MEG3: variants seen among roughly 807,000 people sequenced by gnomAD.
The protein encoded by MEG3 is Very putative protein from MEG3 locus.
At chr14:100,835,503 C>T (rs891127831) in exon 1 of MEG3, 1 of 153,198 alleles carries the variant, frequency 6.5e-6, no homozygotes, top group African/African-American at 2.4e-5. Context: ...TCTCCAGCGG[C>T]CAGCTTCCTC....
In MEG3 at chr14:100,837,255, T is replaced by C. The variant is rs2037612434; in HGVS notation, n.3045+955T>C. Among the ~76,000 whole-genome samples, 1 of 152,176 alleles carries C rather than the reference T, an allele frequency of 6.6e-6. No homozygotes were observed. The highest frequency in any genetic ancestry group is 2.4e-5 in the African/African-American group (1 of 41,452). Reference sequence around the variant, plus strand: ...GGAGGCTCAGCTGAGGCCACTTTCCTTTCTGGGGGTCCCAGGGACTGAGTC... The same window carrying C: ...GGAGGCTCAGCTGAGGCCACTTTCCCTTCTGGGGGTCCCAGGGACTGAGTC... On this transcript the variant is annotated intron_variant and non_coding_transcript_variant, in intron 2 of 3. Transcript: ENST00000398461. This position sits in a 1 kb window ranked among gnomAD's most constrained non-coding sequence, Gnocchi z 5.8.
downstream of MEG3, chr14:100,832,586 C>T (rs1001277093): frequency 6.6e-6 from 1 of 152,578 alleles, no homozygotes; most frequent in African/African-American, 2.4e-5. Flanking sequence ...CAGTATTCGT[C>T]GCATAAGGAT....
chr14:100,836,236 G>A, exon 2 of MEG3: 1 of 456,682 alleles, frequency 2.2e-6, no homozygotes, highest in Non-Finnish European at 4.4e-6. Context: ...AGGCCCTGAT[G>A]GGGCCCACCA....
chr14:100,836,442 G>T (rs2037583421), intron 2 of MEG3: 2 of 414,290 alleles, frequency 4.8e-6, no homozygotes, highest in Non-Finnish European at 9.4e-6. Context: ...AGCCCCAGGG[G>T]TCTGGGGGCC....
chr14:100,842,180 C>A (rs754398252), intron 2 of MEG3, among the ~76,000 whole-genome samples: 1 of 152,182 alleles, frequency 6.6e-6, no homozygotes, highest in Non-Finnish European at 1.5e-5. Flanking sequence ...TACCTGCGAG[C>A]TGAAATGAGG....
At chr14:100,843,215 T>C (rs191468883) in intron 2 of MEG3, among the ~76,000 whole-genome samples, 9 of 152,256 alleles carry the variant, frequency 5.9e-5, no homozygotes, top group African/African-American at 2.2e-4. Flanking sequence ...GCTTCTGATT[T>C]CTCCGCTCCT....
intron 2 of MEG3, among the ~76,000 whole-genome samples, chr14:100,839,848 C>G (rs917714538): frequency 1.3e-5 from 2 of 152,204 alleles, no homozygotes; most frequent in Non-Finnish European, 2.9e-5. Flanking sequence ...ACGAGCTCTG[C>G]GGTGCCTGAG....
chr14:100,834,938 G>T, exon 1 of MEG3: 1 of 404,444 alleles, frequency 2.5e-6, no homozygotes, highest in Admixed American at 2.5e-5. Context: ...CGGCCATCCC[G>T]TCATCCAACA....
chr14:100,854,169 CTTAA>C (rs908325869), upstream of MEG3: 1 of 152,268 alleles, frequency 6.6e-6, no homozygotes, highest in African/African-American at 2.4e-5. Context: ...TGTATGACCA[CTTAA>C]TTAAGATATG....
chr14:100,846,231 T>G (rs2037913763), intron 3 of MEG3: 1 of 152,250 alleles, frequency 6.6e-6, no homozygotes, highest in Admixed American at 6.5e-5. Context: ...GTACCATGTG[T>G]GTGTCTCTAT....
intron 1 of MEG3, among the ~76,000 whole-genome samples, chr14:100,827,775 GTC>G (rs1416841522): frequency 6.6e-6 from 1 of 152,228 alleles, no homozygotes; most frequent in African/African-American, 2.4e-5. Flanking sequence ...CACAGGTTCT[GTC>G]TCTCGTTCCG....
At position 100,839,974 on chromosome 14, in the gene MEG3, G is replaced by A. The variant is rs535285735; in HGVS notation, n.3045+3674G>A. ...GGTCACTTTACTCAGGATAAACTGTGATGAGGACTTGGGACATATCTCTGT... is the reference window on the plus strand; with the variant it reads ...GGTCACTTTACTCAGGATAAACTGTAATGAGGACTTGGGACATATCTCTGT... On this transcript the variant is annotated intron_variant and non_coding_transcript_variant, in intron 2 of 3. Transcript: ENST00000398461. Among the ~76,000 whole-genome samples the A allele has an allele frequency of 1.2e-4, 18 of 152,308 alleles. No homozygotes were observed. In the South Asian group the frequency reaches 3.7e-3, roughly 32 times the overall value.
chr14:100,831,941 G>A (rs1363464783), downstream of MEG3: 1 of 152,170 alleles, frequency 6.6e-6, no homozygotes, highest in Non-Finnish European at 1.5e-5. Flanking sequence ...CATTTGAAAG[G>A]CTTGAAGCAA....
chr14:100,827,726 C>T (rs1198524120), intron 1 of MEG3, among the ~76,000 whole-genome samples: 1 of 152,062 alleles, frequency 6.6e-6, no homozygotes, highest in African/African-American at 2.4e-5. Flanking sequence ...AGGCGGGGAG[C>T]GGCGTGGTGG....
intron 1 of MEG3, among the ~76,000 whole-genome samples, chr14:100,826,523 G>A (rs549201045): frequency 6.6e-6 from 1 of 152,218 alleles, no homozygotes; most frequent in African/African-American, 2.4e-5. Context: ...ACTCCTCTTG[G>A]ATTCGGGTAT....
downstream of MEG3, chr14:100,830,385 C>CACATA (rs72228212): frequency 2.0e-3 from 278 of 139,290 alleles, no homozygotes; most frequent in African/African-American, 7.1e-3. Flanking sequence ...ACACACACAC[C>CACATA]CCCTCGTGTA....
chr14:100,830,760 G>A (rs1025586825), downstream of MEG3: 2 of 152,200 alleles, frequency 1.3e-5, no homozygotes, highest in African/African-American at 4.8e-5. Context: ...AAGCCAACCA[G>A]TTTTGTCCGG....
chr14:100,845,411 G>A lies in MEG3; in HGVS notation n.3046-47G>A, dbSNP rs532673044. 3.1e-5 allele frequency: 14 copies of A among 445,380 alleles called. No individual in the cohort carries two copies. In the East Asian group the frequency reaches 3.6e-4, roughly 11 times the overall value. The allele number at this position is 445,380 out of a possible 1,614,324, so 27.6% of individuals were successfully genotyped here. On this transcript the variant is annotated intron_variant and non_coding_transcript_variant, in intron 2 of 3. Coordinates refer to the MEG3 transcript ENST00000398461. This position sits in a 1 kb window ranked among gnomAD's most constrained non-coding sequence, Gnocchi z 5.2. ...CTCATCCGCCCTCCTCCTCCTCGCC[G>A]GCCTGAGTGAGGTTCTACTCTGTGA...
chr14:100,835,939 C>A (rs2037559157), intron 1 of MEG3: 3 of 326,046 alleles, frequency 9.2e-6, no homozygotes, highest in Non-Finnish European at 1.8e-5. Context: ...CTGGGCTCTG[C>A]CCCGCCCGGT....
Sources: allele counts gnomAD v4.1 joint callset (sites outside exome capture counted in the v4.1 genomes callset), GRCh38; gene constraint gnomAD v4.1.1; non-coding constraint Gnocchi (gnomAD v3.1); transcripts MANE v1.5; gene names NCBI Gene and HGNC (gene_info 2026-07-23, HGNC 2026-07-21).